Variants in DRC10 observed in about 807,000 individuals in gnomAD.
DRC10 encodes the protein IQ domain-containing protein D.
At chr12:113,219,417 A>G in the DRC10 span, among the ~76,000 whole-genome samples, 2 of 152,204 alleles carry the variant, frequency 1.3e-5, no homozygotes, top group African/African-American at 4.8e-5. Context: ...TACCGGCAAC[A>G]TATGAAAGCT....
the DRC10 span, chr12:113,207,767 T>G: frequency 6.2e-7 from 1 of 1,614,164 alleles, no homozygotes; most frequent in Non-Finnish European, 8.5e-7. Flanking sequence ...TGCAGCTCTA[T>G]GGAAAGGAGG....
At chr12:113,206,924 G>T in the DRC10 span, among the ~76,000 whole-genome samples, 1 of 152,234 alleles carries the variant, frequency 6.6e-6, no homozygotes, top group Admixed American at 6.5e-5. Flanking sequence ...GCCAGGCATG[G>T]TGACACACAC....
chr12:113,208,216 C>A, the DRC10 span: 2 of 1,548,572 alleles, frequency 1.3e-6, no homozygotes, highest in South Asian at 2.5e-5. Flanking sequence ...ATGGAGACTT[C>A]GGTAGACTAC....
At chr12:113,218,132 C>T in the DRC10 span, among the ~76,000 whole-genome samples, 10 of 150,920 alleles carry the variant, frequency 6.6e-5, no homozygotes, top group Non-Finnish European at 1.3e-4. Flanking sequence ...TTGAAAAACC[C>T]TGACCTTTTT....
the DRC10 span, among the ~76,000 whole-genome samples, chr12:113,216,853 C>T: frequency 6.6e-6 from 1 of 152,018 alleles, no homozygotes; most frequent in East Asian, 1.9e-4. Flanking sequence ...TTTGGGAGGC[C>T]GAGGTGGGTG....
chr12:113,200,948 G>A, the DRC10 span: 1 of 617,052 alleles, frequency 1.6e-6, no homozygotes, highest in Non-Finnish European at 2.8e-6. Context: ...AGACCAGCCT[G>A]GCTAACATGA....
the DRC10 span, among the ~76,000 whole-genome samples, chr12:113,219,854 A>G: frequency 6.6e-6 from 1 of 151,862 alleles, no homozygotes; most frequent in South Asian, 2.1e-4. Context: ...TATCACCCAG[A>G]CTGGAGTGCA....
chr12:113,209,017 T>C, the DRC10 span, among the ~76,000 whole-genome samples: 1 of 152,198 alleles, frequency 6.6e-6, no homozygotes, highest in East Asian at 1.9e-4. Flanking sequence ...CTGCAACCTC[T>C]GCCTCCTGGG....
chr12:113,220,965 G>A, the DRC10 span: 1 of 351,758 alleles, frequency 2.8e-6, no homozygotes, highest in South Asian at 2.0e-5. Flanking sequence ...CATCTCCCCC[G>A]ATCCGCGACC....
chr12:113,197,820 C>T, the DRC10 span, among the ~76,000 whole-genome samples: 5 of 152,214 alleles, frequency 3.3e-5, no homozygotes, highest in African/African-American at 4.8e-5. Context: ...TAATGGGTGG[C>T]AGAGCCTGAA....
the DRC10 span, chr12:113,195,979 C>T: frequency 6.7e-7 from 1 of 1,486,902 alleles, no homozygotes; most frequent in Non-Finnish European, 8.9e-7. Flanking sequence ...CCCAAATGGT[C>T]TTCTGCCCCA....
chr12:113,205,231 T>TAAA, the DRC10 span, among the ~76,000 whole-genome samples: 14 of 147,872 alleles, frequency 9.5e-5, no homozygotes, highest in Non-Finnish European at 7.5e-5. Flanking sequence ...AATTTTTTTT[T>TAAA]AAAAAAAAAA....
chr12:113,211,942 G>T, the DRC10 span, among the ~76,000 whole-genome samples: 5 of 151,578 alleles, frequency 3.3e-5, no homozygotes, highest in Non-Finnish European at 5.9e-5. Flanking sequence ...GCAGGTGCCT[G>T]TAGTCCCCGC....
the DRC10 span, chr12:113,195,939 C>T: frequency 8.4e-6 from 13 of 1,543,948 alleles, no homozygotes; most frequent in Middle Eastern, 1.7e-4. Context: ...TGCCTCCTCC[C>T]ACCCTCCTCC....
the DRC10 span, among the ~76,000 whole-genome samples, chr12:113,215,183 T>C: frequency 6.6e-6 from 1 of 152,362 alleles, no homozygotes; most frequent in South Asian, 2.1e-4. Flanking sequence ...GGGCTTTCAT[T>C]TCCTCATTAC....
the DRC10 span, among the ~76,000 whole-genome samples, chr12:113,219,225 G>A: frequency 6.6e-6 from 1 of 151,982 alleles, no homozygotes; most frequent in Admixed American, 6.6e-5. Context: ...TAGTAGAGAC[G>A]GGGTTTTGCT....
chr12:113,219,517 T>C, the DRC10 span, among the ~76,000 whole-genome samples: 20 of 152,364 alleles, frequency 1.3e-4, no homozygotes, highest in East Asian at 1.2e-3. Context: ...ATTAAAAAAA[T>C]TGAGTTGTCC....
At chr12:113,196,686 C>T in the DRC10 span, among the ~76,000 whole-genome samples, 5 of 152,198 alleles carry the variant, frequency 3.3e-5, no homozygotes, top group Admixed American at 6.5e-5. Context: ...CTCACTCCAG[C>T]GCATATTACC....
At chr12:113,209,477 G>C in the DRC10 span, among the ~76,000 whole-genome samples, 1 of 152,008 alleles carries the variant, frequency 6.6e-6, no homozygotes, top group African/African-American at 2.4e-5. Context: ...CTCCAGCCTC[G>C]ACCTACTGGG....
Sources: allele counts gnomAD v4.1 joint callset (sites outside exome capture counted in the v4.1 genomes callset), GRCh38; gene constraint gnomAD v4.1.1; transcripts MANE v1.5; gene names NCBI Gene and HGNC (gene_info 2026-07-23, HGNC 2026-07-21).